MALRD1: variants seen among roughly 807,000 people sequenced by gnomAD.
MALRD1 encodes the protein MAM and LDL receptor class A domain containing 1.
MALRD1 carries 247 observed loss-of-function variants against 242.1 expected under a neutral mutation model. That is an observed-to-expected ratio of 1.02 (90% confidence interval 0.92 to 1.13). The LOEUF is 1.13. Among genes scored for constraint, MALRD1 ranks in the 50% most tolerant of loss-of-function variants. The pLI, the probability that MALRD1 is intolerant of heterozygous loss-of-function variation, is 0.00. For synonymous variants in MALRD1, 995 were observed against 866.6 expected (o/e 1.15, Z -2.60); for missense variants, 2,989 against 2,533.1 (o/e 1.18, Z -3.86).
intron 10 of MALRD1, among the ~76,000 whole-genome samples, chr10:19,145,095 T>A (rs1833683717): frequency 1.3e-5 from 2 of 152,206 alleles, no homozygotes; most frequent in South Asian, 4.1e-4. Flanking sequence ...TCTGATACTA[T>A]GATTCTTATT....
chr10:19,377,311 T>TA (rs982118382), intron 26 of MALRD1, among the ~76,000 whole-genome samples: 3 of 152,126 alleles, frequency 2.0e-5, no homozygotes, highest in African/African-American at 7.2e-5. Flanking sequence ...ATATATTAAG[T>TA]AAAAAATAAT....
chr10:19,662,990 G>A (rs1319918662), intron 36 of MALRD1, among the ~76,000 whole-genome samples: 2 of 151,842 alleles, frequency 1.3e-5, no homozygotes, highest in African/African-American at 2.4e-5. Flanking sequence ...CCCTGTAGTG[G>A]GATTTTTTGT....
At chr10:19,336,731 A>T (rs1843629700) in intron 24 of MALRD1, among the ~76,000 whole-genome samples, 1 of 152,180 alleles carries the variant, frequency 6.6e-6, no homozygotes. Context: ...TTGCTAAGCC[A>T]GTAGATAGAG....
intron 21 of MALRD1, chr10:19,291,502 C>A (rs141647044): frequency 6.6e-6 from 1 of 151,830 alleles, no homozygotes; most frequent in African/African-American, 2.4e-5. Context: ...ACGATCATGC[C>A]ATTGCACTCC....
chr10:19,463,378 CA>C (rs1467056060), intron 29 of MALRD1, among the ~76,000 whole-genome samples: 19 of 51,040 alleles, frequency 3.7e-4, no homozygotes, highest in African/African-American at 1.1e-3. Flanking sequence ...TCTTATGATA[CA>C]ATGCATCCTC....
chr10:19,258,755 G>A (rs1000562461), intron 19 of MALRD1, among the ~76,000 whole-genome samples: 2 of 152,076 alleles, frequency 1.3e-5, no homozygotes, highest in African/African-American at 4.8e-5. Flanking sequence ...GGAGACAGCT[G>A]AATCCCTCTC....
At chr10:19,096,319 A>G (rs4748552) in intron 4 of MALRD1, among the ~76,000 whole-genome samples, 1 of 152,010 alleles carries the variant, frequency 6.6e-6, no homozygotes, top group Non-Finnish European at 1.5e-5. Context: ...TAGCTGAGAC[A>G]GCAAGGTTAT....
intron 26 of MALRD1, among the ~76,000 whole-genome samples, chr10:19,365,153 GAAATA>G (rs772856268): frequency 6.6e-6 from 1 of 151,984 alleles, no homozygotes; most frequent in Non-Finnish European, 1.5e-5. Context: ...AATTTAAAAT[GAAATA>G]AAATGAAAAG....
At chr10:19,526,563 C>T (rs1014683837) in intron 31 of MALRD1, among the ~76,000 whole-genome samples, 4 of 151,990 alleles carry the variant, frequency 2.6e-5, no homozygotes, top group Non-Finnish European at 5.9e-5. Flanking sequence ...GGCCAAGATT[C>T]AGTTTTCTGA....
intron 38 of MALRD1, among the ~76,000 whole-genome samples, chr10:19,699,609 A>G (rs1219697082): frequency 1.3e-5 from 2 of 152,062 alleles, no homozygotes; most frequent in Non-Finnish European, 2.9e-5. Context: ...TGGGTCATTT[A>G]TTTAAAAAGA....
chr10:19,694,350 A>G (rs1193904656), intron 38 of MALRD1, among the ~76,000 whole-genome samples: 2 of 152,210 alleles, frequency 1.3e-5, no homozygotes, highest in Admixed American at 6.5e-5. Flanking sequence ...TAATATCCAG[A>G]ATCTACAAAG....
At chr10:19,185,751 T>G (rs1472976965) in intron 14 of MALRD1, among the ~76,000 whole-genome samples, 1 of 152,048 alleles carries the variant, frequency 6.6e-6, no homozygotes, top group East Asian at 1.9e-4. Flanking sequence ...TTTTATTACA[T>G]AAATGCATTA....
At chr10:19,523,826 G>A (rs529600806) in intron 31 of MALRD1, among the ~76,000 whole-genome samples, 69 of 152,080 alleles carry the variant, frequency 4.5e-4, no homozygotes, top group African/African-American at 9.9e-4. Context: ...TGCATACTGC[G>A]GGGGGCGCAT....
At chr10:19,386,298 C>A (rs542871585) in intron 26 of MALRD1, among the ~76,000 whole-genome samples, 3 of 152,066 alleles carry the variant, frequency 2.0e-5, no homozygotes, top group Non-Finnish European at 2.9e-5. Context: ...CCACATCAAC[C>A]CTCATCTACC....
chr10:19,678,451 C>G (rs1842227368), intron 36 of MALRD1, among the ~76,000 whole-genome samples: 1 of 152,084 alleles, frequency 6.6e-6, no homozygotes, highest in African/African-American at 2.4e-5. Flanking sequence ...GGAGTCCATT[C>G]ATGATTTGGC....
chr10:19,494,661 C>T (rs1320658304), intron 30 of MALRD1, among the ~76,000 whole-genome samples: 2 of 151,994 alleles, frequency 1.3e-5, no homozygotes, highest in East Asian at 3.9e-4. Context: ...CAGAATAGAA[C>T]AAATTCAGGA....
chr10:19,357,638 C>G (rs1411233957), intron 26 of MALRD1, among the ~76,000 whole-genome samples: 4 of 151,938 alleles, frequency 2.6e-5, no homozygotes, highest in Non-Finnish European at 5.9e-5. Context: ...GTGTGTGTAT[C>G]TTTAGAATGT....
At chr10:19,621,078 T>C (rs1241324839) in intron 36 of MALRD1, among the ~76,000 whole-genome samples, 2 of 151,420 alleles carry the variant, frequency 1.3e-5, no homozygotes, top group African/African-American at 4.8e-5. Flanking sequence ...AGAAATCTTG[T>C]AAACTATCTC....
At chr10:19,181,863 T>C (rs1835520633) in intron 14 of MALRD1, among the ~76,000 whole-genome samples, 1 of 152,150 alleles carries the variant, frequency 6.6e-6, no homozygotes, top group African/African-American at 2.4e-5. Context: ...AAAATTTGTT[T>C]TAAAAATTAA....
Sources: allele counts gnomAD v4.1 joint callset (sites outside exome capture counted in the v4.1 genomes callset), GRCh38; gene constraint gnomAD v4.1.1; transcripts MANE v1.5; gene names NCBI Gene and HGNC (gene_info 2026-07-23, HGNC 2026-07-21).